Variants in FANCI observed in about 807,000 individuals in gnomAD.
FANCI encodes the protein FA complementation group I.
In FANCI, 156 loss-of-function variants were observed where a neutral mutation model predicts 176.1. The observed-to-expected ratio is 0.89, with a 90% confidence interval of 0.78 to 1.01. The LOEUF is 1.01. Among genes scored for constraint, FANCI ranks in the 50% least tolerant of loss-of-function variants. FANCI has a pLI of 0.00. For synonymous variants in FANCI, 613 were observed against 541.7 expected (o/e 1.13, Z -1.83); for missense variants, 1,678 against 1,534.1 (o/e 1.09, Z -1.57).
At chr15:89,276,567 C>A in intron 12 of FANCI, 144 bp from the exon 13 acceptor site, 2 of 831,296 alleles carry the variant, frequency 2.4e-6, no homozygotes, top group Non-Finnish European at 3.8e-6. Context: ...TTCTGTCAGA[C>A]GATGTGTGTA....
At chr15:89,316,025 C>A (rs951609261) in intron 37 of FANCI, among the ~76,000 whole-genome samples, 2 of 152,196 alleles carry the variant, frequency 1.3e-5, no homozygotes, top group Admixed American at 6.6e-5. Context: ...AACATGCATT[C>A]TTCAGATGAT....
intron 24 of FANCI, 113 bp downstream of exon 24, chr15:89,295,207 G>C: frequency 8.0e-7 from 1 of 1,254,910 alleles, no homozygotes; most frequent in Non-Finnish European, 1.1e-6. Flanking sequence ...TTTTAGGAGT[G>C]AAAGAATATA....
At chr15:89,256,540 G>A (rs1186094079) in intron 2 of FANCI, among the ~76,000 whole-genome samples, 1 of 152,174 alleles carries the variant, frequency 6.6e-6, no homozygotes, top group Non-Finnish European at 1.5e-5. Context: ...ATCCTCCAAT[G>A]TTATTGACTT....
intron 15 of FANCI, among the ~76,000 whole-genome samples, chr15:89,281,530 TAA>T (rs1222185273): frequency 3.3e-5 from 5 of 152,236 alleles, no homozygotes; most frequent in Admixed American, 3.3e-4. Flanking sequence ...ATGAAATAAT[TAA>T]AACTCTCTTA....
intron 11 of FANCI, 149 bp from the exon 12 acceptor site, chr15:89,274,019 A>T: frequency 1.6e-6 from 1 of 621,384 alleles, no homozygotes; most frequent in Non-Finnish European, 2.7e-6. Flanking sequence ...GATATATGTG[A>T]ATGGCAGCTC....
chr15:89,305,726 G>A (rs1263094931), intron 31 of FANCI, 28 bp downstream of exon 31: 1 of 1,603,714 alleles, frequency 6.2e-7, no homozygotes, highest in South Asian at 1.1e-5. Flanking sequence ...GGGATTCCAG[G>A]AATTGACATG....
At chr15:89,247,200 T>C (rs1249370538) in intron 1 of FANCI, among the ~76,000 whole-genome samples, 3 of 152,072 alleles carry the variant, frequency 2.0e-5, no homozygotes, top group Non-Finnish European at 4.4e-5. Context: ...ACCATTTAAT[T>C]GGCACATAGC....
At chr15:89,268,249 C>T (rs2053054071) in intron 9 of FANCI, 150 bp from the exon 10 acceptor site, 1 of 790,398 alleles carries the variant, frequency 1.3e-6, no homozygotes, top group Non-Finnish European at 2.1e-6. Context: ...AATGCCACCA[C>T]ATCGGGCTGA....
chr15:89,256,453 C>A (rs1288946411), intron 2 of FANCI, among the ~76,000 whole-genome samples: 5 of 152,152 alleles, frequency 3.3e-5, no homozygotes, highest in Non-Finnish European at 7.3e-5. Flanking sequence ...CTAGAAACAC[C>A]AGCCTCATGT....
chr15:89,314,055 A>G (rs1282787329), intron 35 of FANCI, among the ~76,000 whole-genome samples: 1 of 60,220 alleles, frequency 1.7e-5, no homozygotes, highest in Non-Finnish European at 3.1e-5. Context: ...ATATATAATC[A>G]CAGACACACA....
rs529235539 is a variant in FANCI, at chr15:89,247,793, G to A, written c.84+62G>A. On this transcript the variant is annotated intron_variant, in intron 2 of 37. Transcript: ENST00000310775. Reference sequence around the variant, plus strand: ...GTCAGGCATGATGACACATTCAAAGGACATGTGAGAAAGAAAAATTACGCT... The same window carrying A: ...GTCAGGCATGATGACACATTCAAAGAACATGTGAGAAAGAAAAATTACGCT... 3.4e-5 allele frequency: 49 copies of A among 1,441,776 alleles called. No individual in the cohort carries two copies. In the African/African-American group the frequency reaches 6.7e-4, roughly 20 times the overall value. 89.3% of individuals were successfully genotyped at this position (1,441,776 alleles called of 1,614,324 possible).
chr15:89,253,535 A>C (rs201417195), intron 2 of FANCI, among the ~76,000 whole-genome samples: 29 of 103,868 alleles, frequency 2.8e-4, no homozygotes, highest in African/African-American at 1.3e-3. Flanking sequence ...AAATAAATAA[A>C]TAAATAAATA....
In FANCI at chr15:89,294,941, G is replaced by A; in HGVS notation, c.2483G>A (p.Ser828Asn). Residue 828 changes from serine (S) to asparagine (N), a missense_variant, in exon 24 of 38, where the codon AGC (serine) becomes AAC (asparagine). Around this residue, in one of 3 missense-constraint regions of FANCI, gnomAD observed 1,204 missense variants for 1,077.4 expected, o/e 1.12. Coordinates refer to ENST00000310775, the MANE Select transcript of FANCI (RefSeq NM_001113378.2). ...FRDSIQSHQE[S>N]LSVLRSSNEF... is the part of the protein sequence containing the mutation. Reference sequence around the variant, plus strand: ...GATAGTATCCAAAGCCACCAAGAAAGCCTTTCTGTTCTCAGGTCCAGCAAT... The same window carrying A: ...GATAGTATCCAAAGCCACCAAGAAAACCTTTCTGTTCTCAGGTCCAGCAAT... The A allele has an allele frequency of 2.6e-6, 4 of 1,552,260 alleles. No individual in the cohort carries two copies. The highest frequency in any genetic ancestry group is 3.5e-6 in the Non-Finnish European group (4 of 1,147,104).
intron 2 of FANCI, among the ~76,000 whole-genome samples, chr15:89,253,460 C>T (rs987468720): frequency 1.3e-5 from 2 of 151,994 alleles, no homozygotes; most frequent in African/African-American, 4.8e-5. Context: ...TTACAGTGAG[C>T]TATGATTGTG....
intron 10 of FANCI, 39 bp from the exon 11 acceptor site, chr15:89,273,338 A>C: frequency 1.0e-6 from 1 of 956,548 alleles, no homozygotes. Flanking sequence ...AAAAAAGAAA[A>C]TGTAAGTAAA....
At chr15:89,273,261 A>G in intron 10 of FANCI, 116 bp from the exon 11 acceptor site, 1 of 653,572 alleles carries the variant, frequency 1.5e-6, no homozygotes, top group Non-Finnish European at 2.7e-6. Context: ...CTATGATTGC[A>G]TCACTGCACT....
At chr15:89,270,413 T>C (rs1428854961) in intron 10 of FANCI, among the ~76,000 whole-genome samples, 1 of 152,208 alleles carries the variant, frequency 6.6e-6, no homozygotes, top group Non-Finnish European at 1.5e-5. Flanking sequence ...CAAAATCCTT[T>C]TCCCAACAAC....
At chr15:89,299,186 C>T (rs973879781) in intron 24 of FANCI, among the ~76,000 whole-genome samples, 1 of 148,450 alleles carries the variant, frequency 6.7e-6, no homozygotes, top group Non-Finnish European at 1.5e-5. Flanking sequence ...AAAAAAAAAA[C>T]CTGAGTAATC....
chr15:89,295,729 G>T (rs2054235309), intron 24 of FANCI, among the ~76,000 whole-genome samples: 4 of 131,144 alleles, frequency 3.1e-5, no homozygotes, highest in Non-Finnish European at 3.3e-5. Context: ...GCCTTCCCCT[G>T]GCGCCCCCCC....
Sources: allele counts gnomAD v4.1 joint callset (sites outside exome capture counted in the v4.1 genomes callset), GRCh38; gene constraint gnomAD v4.1.1; regional missense constraint gnomAD v4.1.1; transcripts MANE v1.5; gene names NCBI Gene and HGNC (gene_info 2026-07-23, HGNC 2026-07-21).